RBM47: variants seen among roughly 807,000 people sequenced by gnomAD.
The protein encoded by RBM47 is RNA-binding protein 47.
Under a neutral mutation model 47.1 loss-of-function variants are expected in RBM47, and 21 were observed. That is an observed-to-expected ratio of 0.45 (90% confidence interval 0.32 to 0.64). The LOEUF is 0.64. RBM47 is among the 30% of genes least tolerant of loss of function. The pLI is 0.05. For synonymous variants in RBM47, 375 were observed against 361.7 expected (o/e 1.04, Z -0.42); for missense variants, 708 against 870.9 (o/e 0.81, Z 2.35).
At chr4:40,598,545 C>T (rs952437586) in intron 1 of RBM47, among the ~76,000 whole-genome samples, 13 of 151,720 alleles carry the variant, frequency 8.6e-5, no homozygotes, top group African/African-American at 2.7e-4. Context: ...CCACTGCGCC[C>T]GGCCCCAATC....
intron 2 of RBM47, among the ~76,000 whole-genome samples, chr4:40,482,130 A>G (rs1720520730): frequency 6.6e-6 from 1 of 152,268 alleles, no homozygotes; most frequent in African/African-American, 2.4e-5. Flanking sequence ...GAAATGGAAC[A>G]GCATGTGCTA....
chr4:40,499,723 A>G (rs930350780), intron 2 of RBM47, among the ~76,000 whole-genome samples: 3 of 152,232 alleles, frequency 2.0e-5, no homozygotes, highest in Non-Finnish European at 4.4e-5. Flanking sequence ...TTAGAATTTA[A>G]AAAATTAAGT....
intron 2 of RBM47, among the ~76,000 whole-genome samples, chr4:40,479,871 A>G (rs1720132322): frequency 6.6e-6 from 1 of 152,074 alleles, no homozygotes; most frequent in Admixed American, 6.6e-5. Flanking sequence ...GCTAACTCCT[A>G]CATACAGCCC....
At chr4:40,621,482 G>A (rs948002506) in intron 1 of RBM47, among the ~76,000 whole-genome samples, 5 of 152,310 alleles carry the variant, frequency 3.3e-5, no homozygotes, top group East Asian at 1.9e-4. Context: ...TAGCACTTCC[G>A]TTTCATGCCA....
chr4:40,540,771 ATATTT>A (rs1379163730), intron 2 of RBM47, among the ~76,000 whole-genome samples: 1 of 148,780 alleles, frequency 6.7e-6, no homozygotes, highest in Non-Finnish European at 1.5e-5. Context: ...TTTAATTTAT[ATATTT>A]TATTTATTTA....
intron 1 of RBM47, among the ~76,000 whole-genome samples, chr4:40,627,741 C>CT (rs1737874121): frequency 6.6e-6 from 1 of 152,132 alleles, no homozygotes; most frequent in Non-Finnish European, 1.5e-5. Context: ...GTCTATAGAA[C>CT]ACGTGTCCAG....
At position 40,436,498 on chromosome 4, in the gene RBM47, G is replaced by A. The variant is rs765491022; in HGVS notation, c.1273C>T (p.Leu425=). 1 of 1,614,190 alleles carries A rather than the reference G, an allele frequency of 6.2e-7. No individual in the cohort carries two copies. The highest frequency in any genetic ancestry group is 8.5e-7 in the Non-Finnish European group (1 of 1,180,036). The change falls in exon 5 of 7, where the codon CTG becomes TTG. Residue 425 remains leucine (L), a synonymous_variant. Transcript: ENST00000295971. ...GTAGGGATTTCCAAATTCGGCACCA[G>A]TTCATATCCTTTTTCTTGCTGCTTT... is the stretch of plus-strand genomic sequence containing the variant. ...KGKQQEKGYE[L]VPNLEIPTVN...
chr4:40,507,800 G>C (rs1724330992), intron 2 of RBM47, among the ~76,000 whole-genome samples: 1 of 151,304 alleles, frequency 6.6e-6, no homozygotes, highest in South Asian at 2.1e-4. Context: ...AAAAAGTCCA[G>C]AGCAAGTCTT....
At chr4:40,561,551 T>C (rs1201908050) in intron 1 of RBM47, among the ~76,000 whole-genome samples, 1 of 142,676 alleles carries the variant, frequency 7.0e-6, no homozygotes, top group Admixed American at 7.0e-5. Flanking sequence ...TTTCTTTTTT[T>C]TTTCTTTTTT....
Position 40,604,740 on chromosome 4 carries a change from G to A in RBM47, c.-240+24656C>T, listed in dbSNP as rs911073795. On this transcript the variant is annotated intron_variant, in intron 1 of 6. Transcript: ENST00000295971. ...TTGTTGTTGTTGTTGTTGTTGAGACGGAGTCTCGCTCTGTCGCCCAGGCTG... is the reference window on the plus strand; with the variant it reads ...TTGTTGTTGTTGTTGTTGTTGAGACAGAGTCTCGCTCTGTCGCCCAGGCTG... Among the ~76,000 whole-genome samples, 24 of 124,540 alleles carry A rather than the reference G, an allele frequency of 1.9e-4. No homozygotes were observed. In the South Asian group the frequency reaches 3.4e-3, roughly 17 times the overall value. 81.7% of individuals were successfully genotyped at this position (124,540 alleles called of 152,430 possible).
At chr4:40,538,383 A>G (rs1411867061) in intron 2 of RBM47, among the ~76,000 whole-genome samples, 1 of 147,974 alleles carries the variant, frequency 6.8e-6, no homozygotes, top group African/African-American at 2.5e-5. Flanking sequence ...CTGGAGTACA[A>G]TGGCACGATC....
At chr4:40,608,148 G>A (rs996285821) in intron 1 of RBM47, among the ~76,000 whole-genome samples, 1 of 152,052 alleles carries the variant, frequency 6.6e-6, no homozygotes, top group African/African-American at 2.4e-5. Flanking sequence ...GAATTTCGCA[G>A]TACGCTAATT....
intron 1 of RBM47, among the ~76,000 whole-genome samples, chr4:40,562,613 G>A (rs560532498): frequency 9.2e-5 from 14 of 151,804 alleles, no homozygotes; most frequent in Admixed American, 3.3e-4. Flanking sequence ...TTACAGGTGC[G>A]CGCCACCACG....
At chr4:40,490,284 AAAAAAGG>A (rs775843350) in intron 2 of RBM47, among the ~76,000 whole-genome samples, 15 of 152,140 alleles carry the variant, frequency 9.9e-5, no homozygotes, top group Non-Finnish European at 1.8e-4. Context: ...GATAAATAGA[AAAAAAGG>A]AAAAAGAAAA....
rs1207175637 is a variant in RBM47, at chr4:40,500,318, C to CA, written c.-154-33620dup. Among the ~76,000 whole-genome samples the CA allele has an allele frequency of 9.2e-4, 136 of 147,388 alleles. 1 individual carries two copies. Among genetic ancestry groups the CA allele is most frequent in the African/African-American group, 3.0e-3 (121 of 40,064 alleles). On this transcript the variant is annotated intron_variant, in intron 2 of 6. Transcript: ENST00000295971. ...ACAAGGGCCAGACTTCGTCCCCCCC[C>CA]AAAAAAAAAAGGGCTGGACTCAGCG...
At chr4:40,535,323 G>T (rs544523816) in intron 2 of RBM47, among the ~76,000 whole-genome samples, 2 of 149,504 alleles carry the variant, frequency 1.3e-5, no homozygotes, top group Non-Finnish European at 3.0e-5. Context: ...AGACTGAAAG[G>T]CCTGGTTTGT....
intron 1 of RBM47, among the ~76,000 whole-genome samples, chr4:40,593,373 T>C (rs1191501956): frequency 1.3e-5 from 2 of 152,096 alleles, no homozygotes; most frequent in African/African-American, 4.8e-5. Context: ...TATTTAACAA[T>C]GAAAGCACTG....
intron 1 of RBM47, among the ~76,000 whole-genome samples, chr4:40,571,887 G>C (rs370576538): frequency 6.6e-6 from 1 of 151,704 alleles, no homozygotes; most frequent in Non-Finnish European, 1.5e-5. Context: ...GCCAGGCGTG[G>C]TGGTCCATGC....
intron 2 of RBM47, among the ~76,000 whole-genome samples, chr4:40,504,084 G>T (rs1723762255): frequency 6.6e-6 from 1 of 152,108 alleles, no homozygotes; most frequent in Admixed American, 6.5e-5. Flanking sequence ...AGAGTGCTCA[G>T]ATTCTTCAGG....
Sources: gnomAD v4.1 joint callset for allele counts (sites outside exome capture counted in the v4.1 genomes callset) on GRCh38, gnomAD v4.1.1 for gene constraint, MANE v1.5 for transcripts, NCBI Gene and HGNC (gene_info 2026-07-23, HGNC 2026-07-21) for gene names.